IL1RAPL2: variants seen among roughly 807,000 people sequenced by gnomAD.
The protein encoded by IL1RAPL2 is X-linked interleukin-1 receptor accessory protein-like 2.
Under a neutral mutation model 44.1 loss-of-function variants are expected in IL1RAPL2, and 3 were observed. The ratio of observed to expected loss-of-function variants is 0.07; its 90% CI spans 0.03 to 0.18. The LOEUF (loss-of-function observed/expected upper bound fraction) is 0.18, where lower values mean the gene tolerates loss of function less well. IL1RAPL2 is among the 10% of genes least tolerant of loss of function. IL1RAPL2 has a pLI of 1.00. For missense variants in IL1RAPL2, 391 were observed against 496.4 expected (o/e 0.79, Z 2.02); for synonymous variants, 181 against 178.8 (o/e 1.01, Z -0.10).
At chrX:105,375,552 G>A (rs1032007419) in intron 5 of IL1RAPL2, among the ~76,000 whole-genome samples, 3 of 111,799 alleles carry the variant, frequency 2.7e-5, no homozygotes, top group African/African-American at 9.8e-5. Context: ...AAAAAACCCT[G>A]TACCTGCTAT....
intron 5 of IL1RAPL2, among the ~76,000 whole-genome samples, chrX:105,469,423 G>A (rs748110218): frequency 1.8e-5 from 2 of 110,532 alleles, no homozygotes; most frequent in South Asian, 7.7e-4. Context: ...ACCAGAAATA[G>A]GACCAAGAGG....
chrX:104,632,483 G>T (rs751756986), intron 1 of IL1RAPL2, among the ~76,000 whole-genome samples: 1 of 111,331 alleles, frequency 9.0e-6, no homozygotes, highest in South Asian at 3.8e-4. Context: ...AGCATGGAAT[G>T]TTCTTCCATT....
intron 5 of IL1RAPL2, among the ~76,000 whole-genome samples, chrX:105,284,531 G>A (rs1006292532): frequency 8.0e-5 from 9 of 111,924 alleles, no homozygotes; most frequent in South Asian, 7.4e-4. Context: ...TTCTTAGTTG[G>A]AGGTCTGCCA....
chrX:105,113,300 G>A (rs939517923), intron 2 of IL1RAPL2, among the ~76,000 whole-genome samples: 3 of 112,240 alleles, frequency 2.7e-5, no homozygotes, highest in African/African-American at 9.7e-5. Context: ...TCTATGCAGC[G>A]CATGCTAAGT....
chrX:104,577,941 CTG>C (rs1444755997), intron 1 of IL1RAPL2, among the ~76,000 whole-genome samples: 2 of 111,430 alleles, frequency 1.8e-5, no homozygotes, highest in Admixed American at 9.5e-5. Context: ...AGAAGGGACT[CTG>C]TGGTTTTGAA....
intron 2 of IL1RAPL2, among the ~76,000 whole-genome samples, chrX:105,076,360 A>C (rs1295170554): frequency 9.0e-6 from 1 of 111,317 alleles, no homozygotes. Flanking sequence ...GTTTTGAGTG[A>C]GTTTCTTAAT....
At chrX:104,704,602 G>T (rs1931334807) in intron 2 of IL1RAPL2, among the ~76,000 whole-genome samples, 1 of 111,374 alleles carries the variant, frequency 9.0e-6, no homozygotes, top group South Asian at 3.8e-4. Flanking sequence ...TCTTCTTAAA[G>T]AACGTAGTCT....
intron 2 of IL1RAPL2, among the ~76,000 whole-genome samples, chrX:104,857,041 A>T (rs767702225): frequency 8.9e-6 from 1 of 112,316 alleles, no homozygotes; most frequent in Non-Finnish European, 1.9e-5. Flanking sequence ...AAAGCAATTG[A>T]AGACATTCCC....
intron 5 of IL1RAPL2, among the ~76,000 whole-genome samples, chrX:105,367,111 A>G (rs2035300599): frequency 9.0e-6 from 1 of 111,250 alleles, no homozygotes; most frequent in Admixed American, 9.6e-5. Context: ...ACAGATTTTG[A>G]CTTAACATCC....
intron 1 of IL1RAPL2, among the ~76,000 whole-genome samples, chrX:104,618,346 A>G (rs903093572): frequency 8.9e-6 from 1 of 112,280 alleles, no homozygotes; most frequent in African/African-American, 3.2e-5. Context: ...GGGAAGCCCA[A>G]TGGGTGGGGC....
At chrX:104,884,372 T>C (rs1923169336) in intron 2 of IL1RAPL2, among the ~76,000 whole-genome samples, 2 of 111,935 alleles carry the variant, frequency 1.8e-5, no homozygotes, top group African/African-American at 6.5e-5. Flanking sequence ...GTGTTTCTGC[T>C]GCTGCGTCAG....
At chrX:105,001,097 A>G (rs2030842867) in intron 2 of IL1RAPL2, among the ~76,000 whole-genome samples, 1 of 111,246 alleles carries the variant, frequency 9.0e-6, no homozygotes, top group South Asian at 3.7e-4. Context: ...AATTTAAGCA[A>G]ATGGGTTCCT....
In IL1RAPL2 at chrX:105,209,616, G is replaced by C. The variant is rs187554361; in HGVS notation, c.356+13868G>C. On this transcript the variant is annotated intron_variant, in intron 3 of 10. Transcript: ENST00000372582. ...TCTCACTAAGCATGCTTACTCAAGG[G>C]CTCAAAGGTCAGGTCAGATTGCTTC... 1.7e-4 allele frequency among the ~76,000 whole-genome samples: 19 copies of C among 111,840 alleles called. No homozygotes were observed. The East Asian group carries it at 4.8e-3, about 28-fold the overall frequency.
chrX:105,191,576 G>T (rs2033633404), intron 2 of IL1RAPL2, among the ~76,000 whole-genome samples: 1 of 112,033 alleles, frequency 8.9e-6, no homozygotes, highest in South Asian at 3.7e-4. Flanking sequence ...GAGCCTTATA[G>T]AAATCTAAGT....
At position 105,233,190 on chromosome X, in the gene IL1RAPL2, A is replaced by C. The variant is rs530784911; in HGVS notation, c.357-628A>C. On this transcript the variant is annotated intron_variant, in intron 3 of 10. Transcript: ENST00000372582. ...TTCCAGCTACTCGGGAAGCTGAGGC[A>C]GGAGAATGGCTTGAACCCGGGAAGC... Among the ~76,000 whole-genome samples the C allele has an allele frequency of 2.7e-5, 3 of 111,264 alleles. No individual in the cohort carries two copies. The South Asian group carries it at 1.2e-3, about 43-fold the overall frequency.
At chrX:104,589,446 T>A (rs1159054129) in intron 1 of IL1RAPL2, among the ~76,000 whole-genome samples, 1 of 112,096 alleles carries the variant, frequency 8.9e-6, no homozygotes, top group Non-Finnish European at 1.9e-5. Flanking sequence ...CCCACCCAGA[T>A]TAAGGGTGAG....
At chrX:105,256,784 G>A (rs1279091316) in intron 4 of IL1RAPL2, among the ~76,000 whole-genome samples, 1 of 111,135 alleles carries the variant, frequency 9.0e-6, no homozygotes, top group African/African-American at 3.3e-5. Context: ...TTTCTGATGG[G>A]GGTTTTTATT....
chrX:104,961,371 A>T (rs2030003282), intron 2 of IL1RAPL2, among the ~76,000 whole-genome samples: 1 of 111,728 alleles, frequency 9.0e-6, no homozygotes, highest in Non-Finnish European at 1.9e-5. Flanking sequence ...CAGAGATCTG[A>T]ATTAGCTTTT....
intron 5 of IL1RAPL2, among the ~76,000 whole-genome samples, chrX:105,423,538 A>G (rs2035787269): frequency 9.0e-6 from 1 of 111,609 alleles, no homozygotes; most frequent in Non-Finnish European, 1.9e-5. Flanking sequence ...TGACCCAGTC[A>G]GGTAGAGTTG....
Sources: gnomAD v4.1 joint callset for allele counts (sites outside exome capture counted in the v4.1 genomes callset) on GRCh38, gnomAD v4.1.1 for gene constraint, MANE v1.5 for transcripts, NCBI Gene and HGNC (gene_info 2026-07-23, HGNC 2026-07-21) for gene names.